Variants in FRYL observed in about 807,000 individuals in gnomAD.
FRYL encodes the protein protein furry homolog-like.
FRYL carries 150 observed loss-of-function variants against 351.2 expected under a neutral mutation model. The ratio of observed to expected loss-of-function variants is 0.43; its 90% CI spans 0.37 to 0.49. The LOEUF (loss-of-function observed/expected upper bound fraction) is 0.49, where lower values mean the gene tolerates loss of function less well. Among genes scored for constraint, FRYL ranks in the 20% least tolerant of loss-of-function variants. The pLI, the probability that FRYL is intolerant of heterozygous loss-of-function variation, is 0.00. For synonymous variants in FRYL, 1,153 were observed against 1,257.1 expected (o/e 0.92, Z 1.75); for missense variants, 3,036 against 3,619.3 (o/e 0.84, Z 4.13).
chr4:48,707,069 C>T (rs1319054440), intron 2 of FRYL, among the ~76,000 whole-genome samples: 1 of 152,080 alleles, frequency 6.6e-6, no homozygotes. Flanking sequence ...CTGTGTTAAG[C>T]CACTAAGTTT....
rs1231627255 is a variant in FRYL at position 48,723,967 on chromosome 4, T to TAAC, written c.-383-13272_-383-13270dup. On this transcript the variant is annotated intron_variant, in intron 1 of 63. Coordinates refer to ENST00000358350, the MANE Select transcript of FRYL (RefSeq NM_015030.2). ...ATAATAATAATAATAATAATAATAA[T>TAAC]AACAAAAAAAATTAGGTGGGTGTGG... Among the ~76,000 whole-genome samples, 128 of 143,490 alleles carry TAAC rather than the reference T, an allele frequency of 8.9e-4. 1 individual carries two copies. Among genetic ancestry groups the TAAC allele is most frequent in the Non-Finnish European group, 1.7e-3 (115 of 65,960 alleles). 94.1% of individuals were successfully genotyped at this position (143,490 alleles called of 152,430 possible).
chr4:48,671,868 A>C (rs868601543), intron 3 of FRYL, among the ~76,000 whole-genome samples: 484 of 125,418 alleles, frequency 3.9e-3, no homozygotes, highest in African/African-American at 0.014. Context: ...CAAAAAAAAA[A>C]AAAACAAAAA....
At chr4:48,680,703 A>G (rs1764473195) in intron 3 of FRYL, among the ~76,000 whole-genome samples, 1 of 152,136 alleles carries the variant, frequency 6.6e-6, no homozygotes, top group African/African-American at 2.4e-5. Context: ...AAAACTATTA[A>G]GTGCATTATA....
intron 62 of FRYL, 117 bp from the exon 63 acceptor site, chr4:48,500,337 A>C: frequency 1.7e-6 from 1 of 582,796 alleles, no homozygotes; most frequent in Non-Finnish European, 2.8e-6. Context: ...TTATTTTAAA[A>C]TGTTTGTCTT....
At chr4:48,740,496 T>C (rs1771932883) in intron 1 of FRYL, among the ~76,000 whole-genome samples, 2 of 152,020 alleles carry the variant, frequency 1.3e-5, no homozygotes, top group South Asian at 2.1e-4. Context: ...GGTTTCACCA[T>C]GTTAGCCAGG....
At chr4:48,538,252 T>G (rs1291930098) in intron 47 of FRYL, among the ~76,000 whole-genome samples, 1 of 152,186 alleles carries the variant, frequency 6.6e-6, no homozygotes, top group Non-Finnish European at 1.5e-5. Flanking sequence ...ACCACCATTT[T>G]TATTAAAGAA....
intron 2 of FRYL, among the ~76,000 whole-genome samples, chr4:48,692,918 G>A (rs184957081): frequency 6.6e-6 from 1 of 152,246 alleles, no homozygotes; most frequent in African/African-American, 2.4e-5. Context: ...AAGTAATATT[G>A]TAGTGAATAC....
rs377039573 is a variant in FRYL, at chr4:48,579,051, T to G, written c.2450A>C (p.His817Pro). 2 of 1,613,908 alleles carry G rather than the reference T, an allele frequency of 1.2e-6. No homozygotes were observed. Among genetic ancestry groups the G allele is most frequent in the African/African-American group, 1.3e-5 (1 of 74,908 alleles). ...SFLKQENLPK[H>P]CSTAVSYAWM... ...AGCATAGCTCACAGCTGTAGAGCAGTGTTTAGGAAGATTTTCTTGCTTTAA... is the reference window on the plus strand; with the variant it reads ...AGCATAGCTCACAGCTGTAGAGCAGGGTTTAGGAAGATTTTCTTGCTTTAA... The change falls in exon 23 of 64, where the codon CAC (histidine) becomes CCC (proline). Residue 817 changes from histidine (H) to proline (P), a missense_variant. Coordinates refer to ENST00000358350, the MANE Select transcript of FRYL (RefSeq NM_015030.2).
intron 7 of FRYL, 23 bp from the exon 8 acceptor site, chr4:48,609,846 A>G (rs756082552): frequency 7.5e-7 from 1 of 1,327,370 alleles, no homozygotes; most frequent in South Asian, 1.4e-5. Context: ...AAAATTATCA[A>G]GTAAGAGTTA....
chr4:48,614,123 C>T (rs553272681), intron 7 of FRYL, among the ~76,000 whole-genome samples: 24 of 151,926 alleles, frequency 1.6e-4, no homozygotes, highest in South Asian at 1.5e-3. Flanking sequence ...AGACAGAGTT[C>T]GAGGTGTGAT....
At chr4:48,664,369 T>C (rs1761358577) in intron 3 of FRYL, among the ~76,000 whole-genome samples, 1 of 152,096 alleles carries the variant, frequency 6.6e-6, no homozygotes, top group Non-Finnish European at 1.5e-5. Flanking sequence ...TAAAAGAAAA[T>C]AGTACACTGA....
intron 1 of FRYL, among the ~76,000 whole-genome samples, chr4:48,769,973 T>C (rs545439424): frequency 1.6e-4 from 25 of 152,326 alleles, no homozygotes; most frequent in African/African-American, 5.5e-4. Flanking sequence ...GTGGGACAGT[T>C]CTATATCTTG....
At chr4:48,756,094 G>A (rs377680898) in intron 1 of FRYL, among the ~76,000 whole-genome samples, 13 of 151,858 alleles carry the variant, frequency 8.6e-5, no homozygotes, top group African/African-American at 2.7e-4. Flanking sequence ...TTAGCCATGC[G>A]TGGTGGCACA....
intron 3 of FRYL, among the ~76,000 whole-genome samples, chr4:48,663,498 C>T (rs1761172533): frequency 6.6e-6 from 1 of 151,422 alleles, no homozygotes. Context: ...AGATTTAAAC[C>T]CAAACATGTC....
intron 2 of FRYL, among the ~76,000 whole-genome samples, chr4:48,696,003 C>T (rs1235770064): frequency 6.6e-6 from 1 of 151,960 alleles, no homozygotes; most frequent in African/African-American, 2.4e-5. Flanking sequence ...GTCACAATGG[C>T]GATGATCAAA....
intron 3 of FRYL, among the ~76,000 whole-genome samples, chr4:48,643,289 A>G (rs1439417997): frequency 2.0e-5 from 3 of 152,184 alleles, no homozygotes; most frequent in Non-Finnish European, 4.4e-5. Flanking sequence ...TGTAGCTTAG[A>G]GGGTGAGATG....
chr4:48,590,637 A>T (rs1289543280), intron 17 of FRYL, 22 bp downstream of exon 17: 1 of 1,517,670 alleles, frequency 6.6e-7, no homozygotes, highest in Non-Finnish European at 9.0e-7. Context: ...ACAAAGCAAC[A>T]TTTAATTTCA....
chr4:48,567,374 A>C lies in FRYL; in HGVS notation c.3043T>G (p.Leu1015Val). ...CTAGTTAAATCTACATATTCCAATA[A>C]AGTGTTGTTGAGAAAATGTGTTTCA... ...DNETHFLNNT[L>V]LEYVDLTRQL... The change falls in exon 28 of 64, where the codon TTA (leucine) becomes GTA (valine). Residue 1015 changes from leucine (L) to valine (V), a missense_variant. Around this residue, in one of 7 missense-constraint regions of FRYL, gnomAD observed 492 missense variants for 551.5 expected, o/e 0.89. Coordinates refer to ENST00000358350, the MANE Select transcript of FRYL (RefSeq NM_015030.2). The surrounding 1 kb of genome is among the most constrained non-coding windows in gnomAD (Gnocchi z 4.2). 6.2e-7 allele frequency: 1 copy of C among 1,610,448 alleles called. No homozygotes were observed.
At chr4:48,702,455 CAAAAAAAAAAAAAAAA>C (rs34675617) in intron 2 of FRYL, among the ~76,000 whole-genome samples, 362 of 29,402 alleles carry the variant, frequency 0.012, 2 homozygotes, top group African/African-American at 0.046. Flanking sequence ...GACTCTGTCT[CAAAAAAAAAAAAAAAA>C]AAAAAAAAAA....
Sources: gnomAD v4.1 joint callset for allele counts (sites outside exome capture counted in the v4.1 genomes callset) on GRCh38, gnomAD v4.1.1 for gene constraint, gnomAD v4.1.1 regional missense constraint, Gnocchi (gnomAD v3.1) non-coding constraint, MANE v1.5 for transcripts, NCBI Gene and HGNC (gene_info 2026-07-23, HGNC 2026-07-21) for gene names.